KHDRBS2: variants seen among roughly 807,000 people sequenced by gnomAD.
The protein encoded by KHDRBS2 is KH RNA binding domain containing, signal transduction associated 2, also known as KH domain-containing, RNA-binding, signal transduction-associated protein 2.
KHDRBS2 carries 26 observed loss-of-function variants against 44.3 expected under a neutral mutation model. That is an observed-to-expected ratio of 0.59 (90% confidence interval 0.43 to 0.81). The LOEUF (loss-of-function observed/expected upper bound fraction) is 0.81, where lower values mean the gene tolerates loss of function less well. Ranked by LOEUF, KHDRBS2 falls within the 40% of genes least tolerant of loss-of-function variation. KHDRBS2 has a pLI of 0.00. For missense variants in KHDRBS2, 476 were observed against 433.1 expected (o/e 1.10, Z -0.88); for synonymous variants, 194 against 151.1 (o/e 1.28, Z -2.08).
At chr6:61,877,582 CAAA>C (rs1210415300) in intron 6 of KHDRBS2, among the ~76,000 whole-genome samples, 1 of 151,442 alleles carries the variant, frequency 6.6e-6, no homozygotes, top group Non-Finnish European at 1.5e-5. Flanking sequence ...GCTCTGCAAA[CAAA>C]GAAGTAATTT....
chr6:61,655,235 C>CAT, the KHDRBS2 span, among the ~76,000 whole-genome samples: 1 of 143,866 alleles, frequency 7.0e-6, no homozygotes, highest in African/African-American at 2.5e-5. Flanking sequence ...TACACACACA[C>CAT]ACACACACAC....
chr6:61,741,099 T>C (rs1340352290), intron 6 of KHDRBS2, among the ~76,000 whole-genome samples: 5 of 151,966 alleles, frequency 3.3e-5, no homozygotes, highest in African/African-American at 9.7e-5. Flanking sequence ...CCAAAAGATA[T>C]TATTTCTTGA....
At chr6:61,686,956 C>T (rs1415428509) in intron 8 of KHDRBS2, among the ~76,000 whole-genome samples, 1 of 151,536 alleles carries the variant, frequency 6.6e-6, no homozygotes, top group African/African-American at 2.4e-5. Flanking sequence ...TGGGCCGCTT[C>T]AACTGAATTT....
rs114828562 is a variant in KHDRBS2 at position 61,941,844 on chromosome 6, G to A, written c.483+36222C>T. On this transcript the variant is annotated intron_variant, in intron 4 of 8. Transcript: ENST00000281156. ...GTGCAGATGTCAACATAAGCATAAA[G>A]AAAACATAAAAAAGCAAGGGAACAT... is the stretch of plus-strand genomic sequence containing the variant. Among the ~76,000 whole-genome samples, 249 of 152,170 alleles carry A rather than the reference G, an allele frequency of 1.6e-3. 1 individual carries two copies. Among genetic ancestry groups the A allele is most frequent in the African/African-American group, 5.3e-3 (221 of 41,518 alleles).
intron 3 of KHDRBS2, among the ~76,000 whole-genome samples, chr6:62,010,651 T>C (rs1042313818): frequency 2.0e-5 from 3 of 152,132 alleles, no homozygotes; most frequent in Non-Finnish European, 4.4e-5. Context: ...GTTCTTGTGA[T>C]AATAAATGGG....
intron 6 of KHDRBS2, among the ~76,000 whole-genome samples, chr6:61,746,176 G>C (rs189734464): frequency 3.9e-5 from 6 of 152,170 alleles, no homozygotes; most frequent in Admixed American, 3.9e-4. Context: ...CAACCAGAAA[G>C]AGACAGATAA....
intron 4 of KHDRBS2, among the ~76,000 whole-genome samples, chr6:61,911,707 T>C (rs1034564860): frequency 3.3e-5 from 5 of 152,126 alleles, no homozygotes; most frequent in African/African-American, 9.6e-5. Flanking sequence ...CTCCTATATT[T>C]TTCCCCAAAT....
At chr6:61,661,856 C>A in the KHDRBS2 span, among the ~76,000 whole-genome samples, 2 of 151,990 alleles carry the variant, frequency 1.3e-5, no homozygotes, top group Non-Finnish European at 2.9e-5. Flanking sequence ...CCATCCCCAT[C>A]AAGCTACCAA....
rs547106030 is a variant in KHDRBS2 at position 61,973,028 on chromosome 6, C to A, written c.483+5038G>T. 3.9e-5 allele frequency among the ~76,000 whole-genome samples: 6 copies of A among 152,044 alleles called. 1 individual carries two copies. The highest frequency in any genetic ancestry group is 3.3e-4 in the Admixed American group (5 of 15,250). The stretch of plus-strand genomic sequence containing the variant: ...GTGTGTGGTGGCATGCACCTGTAAT[C>A]CCAGCTAAGGCAGGAGAATCACTTG... On this transcript the variant is annotated intron_variant, in intron 4 of 8. Coordinates refer to ENST00000281156, the MANE Select transcript of KHDRBS2 (RefSeq NM_152688.4).
intron 7 of KHDRBS2, among the ~76,000 whole-genome samples, chr6:61,700,747 G>T (rs1768525543): frequency 6.7e-6 from 1 of 150,282 alleles, no homozygotes; most frequent in South Asian, 2.1e-4. Context: ...TTCTCAGTTG[G>T]TAGAAGGCAT....
chr6:62,127,378 G>A (rs1211095645), intron 2 of KHDRBS2, among the ~76,000 whole-genome samples: 2 of 152,046 alleles, frequency 1.3e-5, no homozygotes, highest in African/African-American at 2.4e-5. Flanking sequence ...TTAAACATAA[G>A]AGTGAAAATA....
At chr6:62,108,821 T>G (rs1270241093) in intron 2 of KHDRBS2, among the ~76,000 whole-genome samples, 4 of 152,070 alleles carry the variant, frequency 2.6e-5, no homozygotes, top group Non-Finnish European at 5.9e-5. Context: ...TTAGAAATCA[T>G]CAGTCTCAGC....
At chr6:61,693,179 G>C (rs1199257600) in intron 8 of KHDRBS2, among the ~76,000 whole-genome samples, 1 of 152,000 alleles carries the variant, frequency 6.6e-6, no homozygotes, top group Non-Finnish European at 1.5e-5. Context: ...ATAATCAATT[G>C]ATATTTGACT....
At chr6:62,231,317 C>A (rs1253416223) in intron 1 of KHDRBS2, among the ~76,000 whole-genome samples, 2 of 152,022 alleles carry the variant, frequency 1.3e-5, no homozygotes, top group Non-Finnish European at 2.9e-5. Context: ...TGGCAGAAGG[C>A]GAAGGAGAAG....
chr6:61,636,418 C>T, the KHDRBS2 span, among the ~76,000 whole-genome samples: 2 of 152,094 alleles, frequency 1.3e-5, no homozygotes, highest in Non-Finnish European at 2.9e-5. Flanking sequence ...CTCCTCTTCT[C>T]AACCTATTCA....
chr6:61,843,697 A>G (rs1554233635), intron 6 of KHDRBS2, among the ~76,000 whole-genome samples: 11 of 152,032 alleles, frequency 7.2e-5, no homozygotes, highest in Non-Finnish European at 1.3e-4. Context: ...TTCATGTGCT[A>G]TGCATCTTTG....
At chr6:61,584,017 G>T in the KHDRBS2 span, among the ~76,000 whole-genome samples, 2 of 151,392 alleles carry the variant, frequency 1.3e-5, no homozygotes, top group African/African-American at 4.8e-5. Flanking sequence ...ATTTTTCATT[G>T]CTAGCATACA....
chr6:62,167,290 A>C (rs1385571609), intron 2 of KHDRBS2, among the ~76,000 whole-genome samples: 1 of 152,136 alleles, frequency 6.6e-6, no homozygotes, highest in Non-Finnish European at 1.5e-5. Context: ...GGGTCATAAA[A>C]AATGATGTGA....
intron 6 of KHDRBS2, chr6:61,816,772 T>A: frequency 2.7e-6 from 1 of 372,226 alleles, no homozygotes; most frequent in South Asian, 2.0e-5. Flanking sequence ...TAACTCACCA[T>A]ATTCATTCAA....
Sources: allele counts gnomAD v4.1 joint callset (sites outside exome capture counted in the v4.1 genomes callset), GRCh38; gene constraint gnomAD v4.1.1; transcripts MANE v1.5; gene names NCBI Gene and HGNC (gene_info 2026-07-23, HGNC 2026-07-21).